Variants in TBC1D5 observed in about 807,000 individuals in gnomAD.
The protein encoded by TBC1D5 is TBC1 domain family, member 5.
TBC1D5 carries 75 observed loss-of-function variants against 100.3 expected under a neutral mutation model. That is an observed-to-expected ratio of 0.75 (90% CI 0.62 to 0.91). The LOEUF is 0.91. Among genes scored for constraint, TBC1D5 ranks in the 40% least tolerant of loss-of-function variants. The probability of loss-of-function intolerance (pLI) is 0.00; values close to 1 mark genes in which losing one functional copy is unlikely to be tolerated. For synonymous variants in TBC1D5, 323 were observed against 325.6 expected (o/e 0.99, Z 0.09); for missense variants, 910 against 942.4 (o/e 0.97, Z 0.45).
rs534606154 is a variant in TBC1D5, at chr3:17,201,208, C to T, written c.1752+12999G>A. 1.9e-4 allele frequency among the ~76,000 whole-genome samples: 29 copies of T among 152,166 alleles called. No individual in the cohort carries two copies. In the South Asian group the frequency reaches 5.8e-3, roughly 31 times the overall value. On this transcript the variant is annotated intron_variant, in intron 18 of 21. Transcript: ENST00000253692. ...AAGCATGCCTTTAATTTAATTTACT[C>T]CCCAACTTCACCCTCTTTCAGTGCA...
chr3:17,597,734 T>C (rs1000892187), intron 2 of TBC1D5, among the ~76,000 whole-genome samples: 5 of 152,160 alleles, frequency 3.3e-5, no homozygotes, highest in African/African-American at 1.2e-4. Flanking sequence ...CATATTTTTG[T>C]CCCAAATACT....
chr3:17,368,256 A>AT (rs1313420439), intron 13 of TBC1D5, among the ~76,000 whole-genome samples: 1 of 152,166 alleles, frequency 6.6e-6, no homozygotes, highest in East Asian at 1.9e-4. Context: ...AGATTATCAA[A>AT]TTTTAGTGCA....
intron 2 of TBC1D5, among the ~76,000 whole-genome samples, chr3:17,587,166 A>G (rs1196777412): frequency 6.6e-6 from 1 of 152,040 alleles, no homozygotes; most frequent in African/African-American, 2.4e-5. Context: ...CTCCATAAAT[A>G]ATCATACACA....
At chr3:17,556,967 A>T (rs559065572) in intron 2 of TBC1D5, among the ~76,000 whole-genome samples, 2 of 152,320 alleles carry the variant, frequency 1.3e-5, no homozygotes, top group African/African-American at 4.8e-5. Context: ...GGAAAAGCCA[A>T]CGCAAATTTA....
chr3:17,697,220 C>T (rs1224227290), intron 1 of TBC1D5, among the ~76,000 whole-genome samples: 1 of 152,186 alleles, frequency 6.6e-6, no homozygotes, highest in African/African-American at 2.4e-5. Context: ...TCTCTCACCA[C>T]TCGTATTCAA....
At chr3:17,218,139 C>T (rs931150167) in intron 17 of TBC1D5, among the ~76,000 whole-genome samples, 7 of 151,950 alleles carry the variant, frequency 4.6e-5, no homozygotes, top group African/African-American at 7.2e-5. Flanking sequence ...TCTTGGCACC[C>T]GTGCTGAATA....
intron 16 of TBC1D5, among the ~76,000 whole-genome samples, chr3:17,240,820 T>C (rs1007989405): frequency 1.3e-5 from 2 of 152,124 alleles, no homozygotes; most frequent in Admixed American, 1.3e-4. Flanking sequence ...AATTCCCACA[T>C]TGCCGGTTGT....
intron 15 of TBC1D5, among the ~76,000 whole-genome samples, chr3:17,273,495 C>T (rs151190791): frequency 1.4e-3 from 210 of 152,264 alleles, no homozygotes; most frequent in Middle Eastern, 0.01. Flanking sequence ...CCATAACCTC[C>T]TCAGAATTGA....
rs60889092 is a variant in TBC1D5 at position 17,591,233 on chromosome 3, CAAAAAAAAAAAAAA to C, written c.-36+32602_-36+32615del. On this transcript the variant is annotated intron_variant, in intron 2 of 21. Coordinates refer to ENST00000253692, the Ensembl canonical transcript of TBC1D5. ...ACTGGGCTACAAAGAAAGGATCTGT[CAAAAAAAAAAAAAA>C]AAAAAAAAAAAAAAAAAAACAAAAA... Among the ~76,000 whole-genome samples, 131 of 18,670 alleles carry C rather than the reference CAAAAAAAAAAAAAA, an allele frequency of 7.0e-3. 2 individuals are homozygous for C. The Admixed American group carries it at 0.071, about 10-fold the overall frequency. The allele number at this position is 18,670 out of a possible 152,430, so 12.2% of individuals were successfully genotyped here.
At chr3:17,344,907 A>C (rs1575443625) in intron 13 of TBC1D5, among the ~76,000 whole-genome samples, 1 of 152,136 alleles carries the variant, frequency 6.6e-6, no homozygotes. Flanking sequence ...ACCTTATACA[A>C]AAATTAATTC....
At chr3:17,636,182 A>C (rs747745793) in intron 1 of TBC1D5, among the ~76,000 whole-genome samples, 1 of 152,138 alleles carries the variant, frequency 6.6e-6, no homozygotes, top group East Asian at 1.9e-4. Context: ...GCGAAACTCC[A>C]TATCAAGAAA....
At position 17,656,457 on chromosome 3, in the gene TBC1D5, C is replaced by T. The variant is rs149175091; in HGVS notation, c.-100-32544G>A. On this transcript the variant is annotated intron_variant, in intron 1 of 21. Transcript: ENST00000253692. Reference sequence around the variant, plus strand: ...CCTGCTGGTAGCCAGACAGAAAAGACGGCATACAGAGTAACAGTAAGTTTA... The same window carrying T: ...CCTGCTGGTAGCCAGACAGAAAAGATGGCATACAGAGTAACAGTAAGTTTA... 1.1e-3 allele frequency among the ~76,000 whole-genome samples: 165 copies of T among 152,284 alleles called. 1 individual carries two copies. The highest frequency in any genetic ancestry group is 3.6e-3 in the African/African-American group (151 of 41,556).
At chr3:17,229,634 G>T (rs1379551861) in intron 17 of TBC1D5, among the ~76,000 whole-genome samples, 2 of 152,126 alleles carry the variant, frequency 1.3e-5, no homozygotes, top group Admixed American at 1.3e-4. Flanking sequence ...CAGGTGCTGT[G>T]ATGATGTCCA....
At chr3:17,675,009 C>T (rs1283021791) in intron 1 of TBC1D5, among the ~76,000 whole-genome samples, 1 of 152,034 alleles carries the variant, frequency 6.6e-6, no homozygotes, top group Non-Finnish European at 1.5e-5. Context: ...CAGAAACTTA[C>T]TATCTATATG....
chr3:17,295,811 T>C (rs900534147), intron 14 of TBC1D5, among the ~76,000 whole-genome samples: 2 of 152,200 alleles, frequency 1.3e-5, no homozygotes, highest in Non-Finnish European at 2.9e-5. Context: ...ATATCACTTA[T>C]CAAGTACCTA....
At chr3:17,470,155 T>C (rs1405276287) in intron 3 of TBC1D5, among the ~76,000 whole-genome samples, 1 of 152,244 alleles carries the variant, frequency 6.6e-6, no homozygotes, top group East Asian at 1.9e-4. Flanking sequence ...TGCATATTCC[T>C]TTACTAGTTT....
intron 1 of TBC1D5, among the ~76,000 whole-genome samples, chr3:17,661,320 TAC>T (rs781002945): frequency 1.3e-5 from 2 of 151,884 alleles, no homozygotes; most frequent in Admixed American, 1.3e-4. Flanking sequence ...TCGAAGTATA[TAC>T]AGTCTTATCC....
At chr3:17,161,178 T>G in exon 22 of TBC1D5, 28 of 1,614,098 alleles carry the variant, frequency 1.7e-5, no homozygotes, top group Non-Finnish European at 2.3e-5. Flanking sequence ...CTGGCACTGC[T>G]CCCATCATCA....
chr3:17,302,655 T>C (rs981914928), intron 14 of TBC1D5, among the ~76,000 whole-genome samples: 1 of 152,122 alleles, frequency 6.6e-6, no homozygotes, highest in African/African-American at 2.4e-5. Context: ...TTTTGCACAC[T>C]ATCAGGATGA....
Sources: allele counts gnomAD v4.1 joint callset (sites outside exome capture counted in the v4.1 genomes callset), GRCh38; gene constraint gnomAD v4.1.1; transcripts MANE v1.5; gene names NCBI Gene and HGNC (gene_info 2026-07-23, HGNC 2026-07-21).